The following EPB41L4A variants were observed in gnomAD, a reference collection of about 807,000 sequenced individuals.
The protein encoded by EPB41L4A is band 4.1-like protein 4A.
EPB41L4A carries 100 observed loss-of-function variants against 108.6 expected under a neutral mutation model. The observed-to-expected ratio is 0.92, with a 90% confidence interval of 0.78 to 1.09. The LOEUF is 1.09. Ranked by LOEUF, EPB41L4A falls within the 50% of genes least tolerant of loss-of-function variation. The pLI is 0.00. For synonymous variants in EPB41L4A, 319 were observed against 289.0 expected (o/e 1.10, Z -1.05); for missense variants, 1,030 against 842.7 (o/e 1.22, Z -2.75).
chr5:112,244,133 G>T (rs1250243632), intron 9 of EPB41L4A, among the ~76,000 whole-genome samples: 1 of 152,124 alleles, frequency 6.6e-6, no homozygotes, highest in East Asian at 1.9e-4. Context: ...ACCCTTAGAG[G>T]TTATTGTAGG....
At position 112,411,249 on chromosome 5, in the gene EPB41L4A, T is replaced by A. The variant is rs1054892117; in HGVS notation, c.99+7692A>T. On this transcript the variant is annotated intron_variant, in intron 1 of 22. Coordinates refer to ENST00000261486, the MANE Select transcript of EPB41L4A (RefSeq NM_022140.5). ...GAAGTTGGGACTACAGGTACAGATGTGGAGTTTCAGCATTCTAGTGGTGGT... is the reference window on the plus strand; with the variant it reads ...GAAGTTGGGACTACAGGTACAGATGAGGAGTTTCAGCATTCTAGTGGTGGT... Among the ~76,000 whole-genome samples, 10 of 152,196 alleles carry A rather than the reference T, an allele frequency of 6.6e-5. 2 individuals are homozygous for A. In the East Asian group the frequency reaches 1.9e-3, roughly 29 times the overall value.
At chr5:112,173,508 GGA>G (rs1324779679) in intron 18 of EPB41L4A, 2 of 151,252 alleles carry the variant, frequency 1.3e-5, no homozygotes, top group African/African-American at 4.9e-5. Flanking sequence ...TTTTAAGCCA[GGA>G]GAATTTCTTA....
chr5:112,231,457 G>A (rs944187341), intron 12 of EPB41L4A, among the ~76,000 whole-genome samples: 1 of 152,134 alleles, frequency 6.6e-6, no homozygotes, highest in African/African-American at 2.4e-5. Flanking sequence ...ATGTGTTTTT[G>A]TAATAATAAA....
At chr5:112,233,178 GAC>G (rs1375936671) in intron 12 of EPB41L4A, among the ~76,000 whole-genome samples, 2 of 151,942 alleles carry the variant, frequency 1.3e-5, no homozygotes, top group Non-Finnish European at 2.9e-5. Context: ...GAAGAATCAA[GAC>G]ACAAAAAAAG....
At chr5:112,389,105 GAAC>G (rs1263343652) in intron 1 of EPB41L4A, among the ~76,000 whole-genome samples, 4 of 152,136 alleles carry the variant, frequency 2.6e-5, no homozygotes, top group East Asian at 1.9e-4. Context: ...AAGATTCGGA[GAAC>G]AACAACAGGA....
At chr5:112,203,913 C>A (rs1390775562) in intron 15 of EPB41L4A, among the ~76,000 whole-genome samples, 1 of 151,934 alleles carries the variant, frequency 6.6e-6, no homozygotes, top group African/African-American at 2.4e-5. Context: ...GCAGCACATG[C>A]CTGTAATCTC....
chr5:112,390,271 C>T (rs1253777810), intron 1 of EPB41L4A, among the ~76,000 whole-genome samples: 1 of 152,174 alleles, frequency 6.6e-6, no homozygotes. Context: ...CACAAGGGGT[C>T]AGGGGATTTC....
intron 1 of EPB41L4A, among the ~76,000 whole-genome samples, chr5:112,406,589 T>C (rs921706318): frequency 2.6e-5 from 4 of 151,700 alleles, no homozygotes; most frequent in South Asian, 2.1e-4. Flanking sequence ...GCTAAGGTCA[T>C]AGGAACAGAC....
chr5:112,191,210 G>A (rs1761682283), intron 17 of EPB41L4A, among the ~76,000 whole-genome samples: 1 of 152,154 alleles, frequency 6.6e-6, no homozygotes, highest in Non-Finnish European at 1.5e-5. Context: ...CATAAACGAT[G>A]TCCCAAATAA....
intron 15 of EPB41L4A, among the ~76,000 whole-genome samples, chr5:112,196,454 C>T (rs1761970582): frequency 6.6e-6 from 1 of 152,204 alleles, no homozygotes; most frequent in Non-Finnish European, 1.5e-5. Flanking sequence ...CCAAGATAAG[C>T]TGTTATTGCT....
At chr5:112,258,763 G>A (rs1285019347) in intron 9 of EPB41L4A, among the ~76,000 whole-genome samples, 1 of 152,170 alleles carries the variant, frequency 6.6e-6, no homozygotes, top group Non-Finnish European at 1.5e-5. Flanking sequence ...TCCCTTGAAA[G>A]CATCCAGAAT....
chr5:112,258,611 G>A (rs889457835), intron 9 of EPB41L4A, among the ~76,000 whole-genome samples: 3 of 152,120 alleles, frequency 2.0e-5, no homozygotes, highest in African/African-American at 7.2e-5. Flanking sequence ...TCACATCCTT[G>A]CCTTCTTTCG....
chr5:112,271,612 T>C (rs530281774), intron 4 of EPB41L4A, among the ~76,000 whole-genome samples: 29 of 152,334 alleles, frequency 1.9e-4, no homozygotes, highest in African/African-American at 7.0e-4. Context: ...ATGTATGTAT[T>C]ATACTTATCA....
downstream of EPB41L4A, among the ~76,000 whole-genome samples, chr5:112,160,259 G>A (rs1198708859): frequency 2.0e-5 from 3 of 152,020 alleles, no homozygotes; most frequent in Admixed American, 6.6e-5. Flanking sequence ...TTACACTCAT[G>A]GCTCACACTG....
intron 19 of EPB41L4A, among the ~76,000 whole-genome samples, chr5:112,170,721 C>G (rs971753171): frequency 6.6e-6 from 1 of 152,040 alleles, no homozygotes; most frequent in South Asian, 2.1e-4. Context: ...CATTTAGAGG[C>G]GAGACTAAAT....
intron 12 of EPB41L4A, among the ~76,000 whole-genome samples, chr5:112,219,538 T>C (rs1747894631): frequency 6.6e-6 from 1 of 152,166 alleles, no homozygotes. Flanking sequence ...CATACTTCTC[T>C]ATGACAAAAT....
At chr5:112,251,439 C>T (rs1401232312) in intron 9 of EPB41L4A, among the ~76,000 whole-genome samples, 3 of 151,968 alleles carry the variant, frequency 2.0e-5, no homozygotes, top group Admixed American at 6.6e-5. Context: ...TACAGTGCTA[C>T]GTACAAAAGA....
Position 112,259,878 on chromosome 5 carries a change from A to T in EPB41L4A, c.731+13T>A. On this transcript the variant is annotated intron_variant, in intron 8 of 22. Transcript: ENST00000261486. Reference sequence around the variant, plus strand: ...AACATAGAATGCCAACTCTGTTCTCAAGCCATACCTACCAGAAATACTTCC... The same window carrying T: ...AACATAGAATGCCAACTCTGTTCTCTAGCCATACCTACCAGAAATACTTCC... 6.2e-7 allele frequency: 1 copy of T among 1,606,646 alleles called. No homozygotes were observed. The highest frequency in any genetic ancestry group is 1.7e-5 in the Admixed American group (1 of 60,000).
intron 1 of EPB41L4A, among the ~76,000 whole-genome samples, chr5:112,324,739 A>T (rs1418940740): frequency 2.0e-5 from 3 of 151,312 alleles, no homozygotes; most frequent in Non-Finnish European, 2.9e-5. Context: ...AAAAAAAAAA[A>T]ATTAAAGCAG....
Sources: allele counts gnomAD v4.1 joint callset (sites outside exome capture counted in the v4.1 genomes callset), GRCh38; gene constraint gnomAD v4.1.1; transcripts MANE v1.5; gene names NCBI Gene and HGNC (gene_info 2026-07-23, HGNC 2026-07-21).